The following COX10 variants were observed in gnomAD, a reference collection of about 807,000 sequenced individuals.
The protein encoded by COX10 is cytochrome c oxidase assembly factor heme A:farnesyltransferase COX10.
A neutral mutation model predicts 37.3 loss-of-function variants in COX10; 27 were observed. The ratio of observed to expected loss-of-function variants is 0.72; its 90% confidence interval spans 0.53 to 1.00. The LOEUF is 1.00. COX10 is among the 50% of genes least tolerant of loss of function. The pLI is 0.00. For missense variants in COX10, 475 were observed against 563.2 expected (o/e 0.84, Z 1.59); for synonymous variants, 222 against 229.1 (o/e 0.97, Z 0.28).
In COX10 at chr17:14,207,454, T is replaced by C. The variant is rs1906745912; in HGVS notation, c.*241T>C. The C allele has an allele frequency of 1.8e-6, 1 of 545,996 alleles. No homozygotes were observed. Among genetic ancestry groups the C allele is most frequent in the East Asian group, 3.2e-5 (1 of 31,336 alleles). The allele number at this position is 545,996 out of a possible 1,614,324, so 33.8% of individuals were successfully genotyped here. A position where few individuals can be genotyped will look rare whatever the true frequency, so the allele number is the denominator to read the frequency against. ...GGAATTATTTTTCCCTTTGAGGGTC[T>C]TTATACATCTCTCCTCCAACCCCAC... On this transcript the variant is annotated 3_prime_UTR_variant, in exon 7 of 7. Transcript: ENST00000261643.
chr17:14,168,032 C>T (rs1905340622), intron 5 of COX10, among the ~76,000 whole-genome samples: 1 of 152,190 alleles, frequency 6.6e-6, no homozygotes. Context: ...AAATAAATCC[C>T]TTTCACCTAT....
chr17:14,089,843 A>G (rs1289403566), intron 3 of COX10, among the ~76,000 whole-genome samples: 2 of 152,108 alleles, frequency 1.3e-5, no homozygotes, highest in Non-Finnish European at 2.9e-5. Context: ...AATGGTCCCC[A>G]TAGCATACTT....
intron 4 of COX10, among the ~76,000 whole-genome samples, chr17:14,137,630 A>C (rs1273490619): frequency 6.6e-6 from 1 of 152,068 alleles, no homozygotes; most frequent in Non-Finnish European, 1.5e-5. Flanking sequence ...CATACACAAA[A>C]TTTTAAGAAT....
At chr17:14,127,494 C>T (rs1272527039) in intron 4 of COX10, among the ~76,000 whole-genome samples, 3 of 151,924 alleles carry the variant, frequency 2.0e-5, no homozygotes, top group African/African-American at 7.3e-5. Context: ...TAAAAATAAG[C>T]CAGTCAGTTT....
intron 5 of COX10, among the ~76,000 whole-genome samples, chr17:14,184,392 G>A (rs1234747306): frequency 6.6e-6 from 1 of 152,114 alleles, no homozygotes; most frequent in Non-Finnish European, 1.5e-5. Context: ...CCAGAATATA[G>A]CACTAATAAT....
At chr17:14,157,492 G>T (rs1905067458) in intron 4 of COX10, among the ~76,000 whole-genome samples, 1 of 152,170 alleles carries the variant, frequency 6.6e-6, no homozygotes, top group Non-Finnish European at 1.5e-5. Flanking sequence ...TGCATGTTTA[G>T]GGATGTTTGT....
At chr17:14,113,690 A>AG (rs1423822130) in intron 4 of COX10, among the ~76,000 whole-genome samples, 9 of 152,274 alleles carry the variant, frequency 5.9e-5, no homozygotes, top group African/African-American at 2.2e-4. Context: ...AAAGAGGAGG[A>AG]GTATGTTACT....
intron 4 of COX10, among the ~76,000 whole-genome samples, chr17:14,105,173 A>G (rs996624100): frequency 5.3e-5 from 8 of 152,184 alleles, no homozygotes; most frequent in Admixed American, 5.2e-4. Context: ...TAGATTACAT[A>G]TACGTGATTT....
At chr17:14,197,777 C>G (rs1043249249) in intron 6 of COX10, among the ~76,000 whole-genome samples, 4 of 152,222 alleles carry the variant, frequency 2.6e-5, no homozygotes, top group Non-Finnish European at 4.4e-5. Context: ...AAAGCATGGG[C>G]CCAGCCCAGA....
rs146832977 is a variant in COX10 at position 14,088,408 on chromosome 17, A to G, written c.499+11352A>G. Among the ~76,000 whole-genome samples the G allele has an allele frequency of 1.7e-3, 254 of 152,070 alleles. 2 individuals carry two copies. The highest frequency in any genetic ancestry group is 2.9e-3 in the Non-Finnish European group (199 of 67,984). ...TTGGTTTCTGTGGGGCTGGGGCTCT[A>G]CAAATGCTTTAGCCAAAGTTCCAAT... On this transcript the variant is annotated intron_variant, in intron 3 of 6. Coordinates refer to ENST00000261643, the MANE Select transcript of COX10 (RefSeq NM_001303.4).
intron 4 of COX10, among the ~76,000 whole-genome samples, chr17:14,106,571 A>C (rs1243019370): frequency 3.9e-5 from 6 of 152,216 alleles, no homozygotes; most frequent in Non-Finnish European, 7.3e-5. Flanking sequence ...AGTAAAACTA[A>C]ATGTCTTCCC....
intron 2 of COX10, among the ~76,000 whole-genome samples, chr17:14,076,013 T>C: frequency 8.2e-6 from 1 of 122,220 alleles, no homozygotes; most frequent in African/African-American, 3.1e-5. Context: ...AAAAAAAAAA[T>C]CATTCAGCCC....
intron 3 of COX10, among the ~76,000 whole-genome samples, chr17:14,087,685 GTT>G (rs77696522): frequency 5.7e-5 from 8 of 140,894 alleles, no homozygotes; most frequent in African/African-American, 7.8e-5. Context: ...TCTCCGAAAG[GTT>G]TTTTTTTTTT....
At chr17:14,131,722 C>A (rs1916470433) in intron 4 of COX10, among the ~76,000 whole-genome samples, 1 of 152,120 alleles carries the variant, frequency 6.6e-6, no homozygotes, top group Middle Eastern at 3.4e-3. Flanking sequence ...CTCCTGCAGC[C>A]TGTATTGTTG....
chr17:14,197,873 A>G (rs1220086924), intron 6 of COX10, among the ~76,000 whole-genome samples: 1 of 152,230 alleles, frequency 6.6e-6, no homozygotes, highest in Non-Finnish European at 1.5e-5. Context: ...TTCATTTTAC[A>G]AAGCCCTCTG....
chr17:14,175,315 G>T (rs1269390057), intron 5 of COX10, among the ~76,000 whole-genome samples: 2 of 151,598 alleles, frequency 1.3e-5, no homozygotes, highest in Non-Finnish European at 2.9e-5. Flanking sequence ...TTTCCTTGGG[G>T]AATAGAATGT....
chr17:14,162,182 C>G (rs1328779888), intron 5 of COX10, among the ~76,000 whole-genome samples: 1 of 152,150 alleles, frequency 6.6e-6, no homozygotes, highest in Non-Finnish European at 1.5e-5. Context: ...CTGGCAATAA[C>G]CAGACTTTCA....
chr17:14,095,731 C>G lies in COX10; in HGVS notation c.500-6387C>G, dbSNP rs186767475. Among the ~76,000 whole-genome samples the G allele has an allele frequency of 1.9e-3, 284 of 152,246 alleles. 5 individuals carry two copies. The highest frequency in any genetic ancestry group is 6.5e-3 in the African/African-American group (272 of 41,540). Reference sequence around the variant, plus strand: ...GGCTTAGGGTCTTCTTCCGGGCTCACTGGTTGTTGGTAGAATTCATTTCTT... The same window carrying G: ...GGCTTAGGGTCTTCTTCCGGGCTCAGTGGTTGTTGGTAGAATTCATTTCTT... On this transcript the variant is annotated intron_variant, in intron 3 of 6. Coordinates refer to ENST00000261643, the MANE Select transcript of COX10 (RefSeq NM_001303.4).
At chr17:14,181,662 TG>T (rs1270970742) in intron 5 of COX10, among the ~76,000 whole-genome samples, 2 of 152,204 alleles carry the variant, frequency 1.3e-5, no homozygotes, top group African/African-American at 4.8e-5. Context: ...TTCAACTATC[TG>T]GCTCAGTCAG....
Sources: gnomAD v4.1 joint callset for allele counts (sites outside exome capture counted in the v4.1 genomes callset) on GRCh38, gnomAD v4.1.1 for gene constraint, MANE v1.5 for transcripts, NCBI Gene and HGNC (gene_info 2026-07-23, HGNC 2026-07-21) for gene names.